The following TENM2 variants were observed in gnomAD, a reference collection of about 807,000 sequenced individuals.
TENM2 encodes the protein teneurin-2.
A neutral mutation model predicts 245.2 loss-of-function variants in TENM2; 52 were observed. The observed-to-expected ratio is 0.21, with a 90% CI of 0.17 to 0.27. The LOEUF (loss-of-function observed/expected upper bound fraction) is 0.27. Ranked by LOEUF, TENM2 falls within the 10% of genes least tolerant of loss-of-function variation. The pLI is 1.00. For missense variants in TENM2, 3,046 were observed against 3,666.8 expected (o/e 0.83, Z 4.37); for synonymous variants, 1,363 against 1,438.9 (o/e 0.95, Z 1.19).
chr5:167,513,470 A>T (rs889009255), intron 2 of TENM2, among the ~76,000 whole-genome samples: 3 of 152,198 alleles, frequency 2.0e-5, no homozygotes, highest in Non-Finnish European at 4.4e-5. Context: ...TAAATGCCTT[A>T]TGAGCCTGTT....
At chr5:167,798,908 C>A (rs1342333491) in intron 2 of TENM2, among the ~76,000 whole-genome samples, 3 of 152,166 alleles carry the variant, frequency 2.0e-5, no homozygotes, top group Non-Finnish European at 2.9e-5. Context: ...AGCTTCAAAC[C>A]TGGAATAAAA....
intron 2 of TENM2, among the ~76,000 whole-genome samples, chr5:167,804,952 A>G (rs1311273831): frequency 6.6e-6 from 1 of 152,180 alleles, no homozygotes; most frequent in Non-Finnish European, 1.5e-5. Context: ...TAACCACACC[A>G]GTATTTGAGG....
At chr5:166,993,981 G>T in the TENM2 span, among the ~76,000 whole-genome samples, 3 of 152,236 alleles carry the variant, frequency 2.0e-5, no homozygotes, top group South Asian at 6.2e-4. Context: ...TGTGAAAGAT[G>T]ATCTTTTTTT....
intron 13 of TENM2, among the ~76,000 whole-genome samples, chr5:168,176,897 A>G (rs186342446): frequency 3.7e-4 from 57 of 152,360 alleles, no homozygotes; most frequent in Admixed American, 5.9e-4. Flanking sequence ...TATCAGTGCA[A>G]AGAAAATCCA....
chr5:167,314,423 T>C (rs1316753190), intron 1 of TENM2, among the ~76,000 whole-genome samples: 1 of 152,132 alleles, frequency 6.6e-6, no homozygotes, highest in Non-Finnish European at 1.5e-5. Flanking sequence ...AGATGACAAA[T>C]TAAAAGGCTG....
chr5:167,482,664 C>T (rs561685913), intron 2 of TENM2, among the ~76,000 whole-genome samples: 57 of 152,212 alleles, frequency 3.7e-4, no homozygotes, highest in Middle Eastern at 3.4e-3. Flanking sequence ...ACAGCCTAAT[C>T]GTACAGCAGT....
chr5:168,114,055 C>A (rs1381455057), intron 9 of TENM2, among the ~76,000 whole-genome samples: 1 of 152,158 alleles, frequency 6.6e-6, no homozygotes, highest in Non-Finnish European at 1.5e-5. Flanking sequence ...GTGTTTGAGA[C>A]CTATGGCATT....
In TENM2 at chr5:168,238,221, GAAGAAAAGAAAAGAAA is replaced by G. The variant is rs1260070544; in HGVS notation, c.5521-6197_5521-6182del. 3.2e-3 allele frequency among the ~76,000 whole-genome samples: 79 copies of G among 24,374 alleles called. 5 individuals are homozygous for G. The highest frequency in any genetic ancestry group is 0.01 in the African/African-American group (74 of 7,286). The allele number at this position is 24,374 out of a possible 152,430, so 16.0% of individuals were successfully genotyped here. A position where few individuals can be genotyped will look rare whatever the true frequency, so the allele number is the denominator to read the frequency against. ...AGGGAGGGAGGGAGGGAGGGAGAGA[GAAGAAAAGAAAAGAAA>G]AGAAAAGAAAAGAAAAGAAAAGAAA... is the stretch of plus-strand genomic sequence containing the variant. On this transcript the variant is annotated intron_variant, in intron 25 of 28. Transcript: ENST00000518659.
intron 1 of TENM2, among the ~76,000 whole-genome samples, chr5:167,320,918 G>A (rs1756674959): frequency 6.8e-6 from 1 of 148,148 alleles, no homozygotes; most frequent in African/African-American, 2.5e-5. Flanking sequence ...TACTTTTAGA[G>A]GAATTTCTTC....
intron 2 of TENM2, among the ~76,000 whole-genome samples, chr5:167,720,556 CT>C (rs1045748969): frequency 6.6e-6 from 1 of 152,180 alleles, no homozygotes; most frequent in African/African-American, 2.4e-5. Context: ...CTCCCCACCC[CT>C]GTTTGTAAGT....
the TENM2 span, among the ~76,000 whole-genome samples, chr5:167,076,122 A>G: frequency 6.6e-6 from 1 of 152,162 alleles, no homozygotes; most frequent in Non-Finnish European, 1.5e-5. Context: ...CTTAAACATA[A>G]CATACAAAAA....
chr5:167,292,546 C>T (rs942468080), intron 1 of TENM2, among the ~76,000 whole-genome samples: 5 of 152,190 alleles, frequency 3.3e-5, no homozygotes, highest in African/African-American at 1.2e-4. Flanking sequence ...CTAATTCTTT[C>T]CTCTGGCATG....
chr5:167,855,623 C>T (rs1246369280), intron 2 of TENM2, among the ~76,000 whole-genome samples: 1 of 127,864 alleles, frequency 7.8e-6, no homozygotes, highest in Non-Finnish European at 1.5e-5. Context: ...ACTAGACACT[C>T]GAAGAATATG....
At chr5:167,791,828 C>G (rs1764996417) in intron 2 of TENM2, among the ~76,000 whole-genome samples, 1 of 152,072 alleles carries the variant, frequency 6.6e-6, no homozygotes, top group Admixed American at 6.6e-5. Flanking sequence ...AGCCTGACCG[C>G]TGGGCCACAT....
intron 12 of TENM2, among the ~76,000 whole-genome samples, chr5:168,154,672 A>G (rs1394859720): frequency 2.0e-5 from 3 of 152,216 alleles, no homozygotes; most frequent in Non-Finnish European, 2.9e-5. Flanking sequence ...AGGTGCATCC[A>G]GAAAACATGC....
At chr5:167,194,991 G>T in the TENM2 span, among the ~76,000 whole-genome samples, 1 of 151,800 alleles carries the variant, frequency 6.6e-6, no homozygotes, top group Non-Finnish European at 1.5e-5. Flanking sequence ...CTTCCTAAAG[G>T]GCTTAACTAT....
intron 3 of TENM2, among the ~76,000 whole-genome samples, chr5:167,916,754 G>A (rs1002428715): frequency 6.6e-6 from 1 of 152,138 alleles, no homozygotes; most frequent in Non-Finnish European, 1.5e-5. Context: ...ATAAAGAAAA[G>A]AAAATCCGTG....
intron 7 of TENM2, among the ~76,000 whole-genome samples, chr5:168,064,146 T>C (rs1194000019): frequency 4.6e-5 from 7 of 152,126 alleles, no homozygotes; most frequent in African/African-American, 1.7e-4. Context: ...CCCTGGTGCA[T>C]TTCTGTAGCT....
chr5:167,186,116 TGAGTAC>T, the TENM2 span, among the ~76,000 whole-genome samples: 1 of 152,170 alleles, frequency 6.6e-6, no homozygotes, highest in African/African-American at 2.4e-5. Flanking sequence ...GTGGCTTTTA[TGAGTAC>T]AAGTTCAATC....
Sources: allele counts gnomAD v4.1 joint callset (sites outside exome capture counted in the v4.1 genomes callset), GRCh38; gene constraint gnomAD v4.1.1; transcripts MANE v1.5; gene names NCBI Gene and HGNC (gene_info 2026-07-23, HGNC 2026-07-21).